The following ABCD3 variants were observed in gnomAD, a reference collection of about 807,000 sequenced individuals.
ABCD3 encodes ATP binding cassette subfamily D member 3, also known as ATP-binding cassette sub-family D member 3.
ABCD3 carries 41 observed loss-of-function variants against 105.5 expected under a neutral mutation model. That is an observed-to-expected ratio of 0.39 (90% CI 0.30 to 0.50). The LOEUF is 0.50. ABCD3 is among the 20% of genes least tolerant of loss of function. The probability of loss-of-function intolerance (pLI) is 0.84; values close to 1 mark genes in which losing one functional copy is unlikely to be tolerated. For missense variants in ABCD3, 622 were observed against 806.3 expected (o/e 0.77, Z 2.77); for synonymous variants, 258 against 269.0 (o/e 0.96, Z 0.40).
intron 1 of ABCD3, among the ~76,000 whole-genome samples, chr1:94,429,009 G>C (rs1659575195): frequency 1.3e-5 from 2 of 152,200 alleles, no homozygotes; most frequent in African/African-American, 4.8e-5. Flanking sequence ...CAAAAATGCT[G>C]ATAGTGATAT....
At chr1:94,487,323 A>C (rs540959206) in intron 10 of ABCD3, among the ~76,000 whole-genome samples, 7 of 152,198 alleles carry the variant, frequency 4.6e-5, no homozygotes, top group Non-Finnish European at 1.0e-4. Context: ...TGCTGTTTGC[A>C]TAAAAATGGT....
At chr1:94,397,406 C>T in the ABCD3 span, among the ~76,000 whole-genome samples, 3 of 152,232 alleles carry the variant, frequency 2.0e-5, no homozygotes, top group African/African-American at 7.2e-5. Flanking sequence ...GTGATGGTTT[C>T]TCAGTCTTTC....
At chr1:94,399,385 G>A in the ABCD3 span, among the ~76,000 whole-genome samples, 1 of 152,228 alleles carries the variant, frequency 6.6e-6, no homozygotes, top group Non-Finnish European at 1.5e-5. Context: ...GTGTGAGTAT[G>A]TAAGGGCTTT....
At chr1:94,472,594 T>C (rs1191846466) in intron 4 of ABCD3, among the ~76,000 whole-genome samples, 2 of 152,174 alleles carry the variant, frequency 1.3e-5, no homozygotes, top group Non-Finnish European at 2.9e-5. Flanking sequence ...TGTTTCATGC[T>C]ACAAACCCCT....
At chr1:94,490,085 T>A (rs1200599714) in intron 15 of ABCD3, 110 bp downstream of exon 15, 1 of 1,043,628 alleles carries the variant, frequency 9.6e-7, no homozygotes, top group Non-Finnish European at 1.5e-6. Flanking sequence ...TCTGCTTTTT[T>A]AAAAAACAGC....
At chr1:94,426,619 C>T (rs1222454769) in intron 1 of ABCD3, among the ~76,000 whole-genome samples, 2 of 151,604 alleles carry the variant, frequency 1.3e-5, no homozygotes, top group South Asian at 2.1e-4. Flanking sequence ...TTTGGCTTAC[C>T]GCAACCTCCG....
chr1:94,517,010 C>A, intron 22 of ABCD3, 42 bp from the exon 23 acceptor site: 3 of 1,303,020 alleles, frequency 2.3e-6, no homozygotes, highest in South Asian at 1.2e-5. Context: ...GTACTATATT[C>A]ACTCTTAGTT....
intron 16 of ABCD3, among the ~76,000 whole-genome samples, chr1:94,493,580 A>G (rs1649640695): frequency 6.6e-6 from 1 of 151,546 alleles, no homozygotes; most frequent in Admixed American, 6.6e-5. Context: ...TGACCCAGCC[A>G]TCCCATTACT....
intron 1 of ABCD3, among the ~76,000 whole-genome samples, chr1:94,455,325 AT>A (rs142959399): frequency 0.13 from 17,974 of 143,688 alleles, 977 homozygotes; most frequent in South Asian, 0.19. Flanking sequence ...TTATAAATGA[AT>A]TTTTTTTTTT....
the ABCD3 span, among the ~76,000 whole-genome samples, chr1:94,392,221 A>C: frequency 6.6e-6 from 1 of 152,184 alleles, no homozygotes. Context: ...AATAGGATGC[A>C]TGTGGAAATG....
intron 6 of ABCD3, 87 bp downstream of exon 6, chr1:94,475,327 T>C (rs1286752194): frequency 5.0e-6 from 5 of 1,005,360 alleles, no homozygotes; most frequent in Non-Finnish European, 7.3e-6. Context: ...TTCTTATTTA[T>C]TGTATGTTTT....
At chr1:94,456,146 T>C (rs939465221) in intron 1 of ABCD3, among the ~76,000 whole-genome samples, 4 of 152,028 alleles carry the variant, frequency 2.6e-5, no homozygotes, top group African/African-American at 9.7e-5. Context: ...GTTTGACTTT[T>C]TTAGATTCCA....
At chr1:94,428,071 TTTG>T (rs780877478) in intron 1 of ABCD3, among the ~76,000 whole-genome samples, 1 of 149,586 alleles carries the variant, frequency 6.7e-6, no homozygotes. Context: ...TAAAAGGTGT[TTTG>T]TTTTTTTTTT....
intron 16 of ABCD3, 131 bp from the exon 17 acceptor site, chr1:94,498,471 T>A: frequency 1.1e-6 from 1 of 922,782 alleles, no homozygotes; most frequent in Non-Finnish European, 1.7e-6. Flanking sequence ...TACCTAATGC[T>A]ACATTTACAG....
intron 4 of ABCD3, chr1:94,472,330 TCAAA>T: frequency 2.3e-6 from 1 of 440,758 alleles, no homozygotes; most frequent in Non-Finnish European, 3.0e-6. Context: ...AAGGTTTGGT[TCAAA>T]CAATTTTAAC....
intron 16 of ABCD3, among the ~76,000 whole-genome samples, chr1:94,494,022 C>A (rs1434326187): frequency 6.6e-6 from 1 of 151,868 alleles, no homozygotes; most frequent in Non-Finnish European, 1.5e-5. Context: ...TGCAGCACAC[C>A]AGCATGTCAC....
chr1:94,510,454 A>G (rs1031613708), intron 21 of ABCD3, among the ~76,000 whole-genome samples: 12 of 152,270 alleles, frequency 7.9e-5, no homozygotes, highest in Admixed American at 3.9e-4. Flanking sequence ...TGCTGAAAAA[A>G]ATGTGTATTC....
chr1:94,490,088 A>G, intron 15 of ABCD3, 113 bp downstream of exon 15: 1 of 1,021,188 alleles, frequency 9.8e-7, no homozygotes, highest in African/African-American at 1.6e-5. Context: ...GCTTTTTTAA[A>G]AAACAGCTTA....
chr1:94,395,673 CA>C, the ABCD3 span, among the ~76,000 whole-genome samples: 1 of 152,162 alleles, frequency 6.6e-6, no homozygotes, highest in African/African-American at 2.4e-5. Flanking sequence ...AAAGAGATGG[CA>C]AATGGATCTG....
Sources: gnomAD v4.1 joint callset for allele counts (sites outside exome capture counted in the v4.1 genomes callset) on GRCh38, gnomAD v4.1.1 for gene constraint, MANE v1.5 for transcripts, NCBI Gene and HGNC (gene_info 2026-07-23, HGNC 2026-07-21) for gene names.